PTPRN2: variants seen among roughly 807,000 people sequenced by gnomAD.
PTPRN2 encodes receptor-type tyrosine-protein phosphatase N2.
PTPRN2 carries 74 observed loss-of-function variants against 118.8 expected under a neutral mutation model. The ratio of observed to expected loss-of-function variants is 0.62; its 90% CI spans 0.52 to 0.76. The LOEUF (loss-of-function observed/expected upper bound fraction) is 0.76. Among genes scored for constraint, PTPRN2 ranks in the 30% least tolerant of loss-of-function variants. The probability of loss-of-function intolerance (pLI) is 0.00; values close to 1 mark genes in which losing one functional copy is unlikely to be tolerated. For synonymous variants in PTPRN2, 641 were observed against 608.0 expected, an observed-to-expected ratio of 1.05 and a Z score of -0.80; for missense variants, 1,481 against 1,394.4, an observed-to-expected ratio of 1.06 and a Z score of -0.99.
intron 12 of PTPRN2, among the ~76,000 whole-genome samples, chr7:157,793,026 C>T (rs1382472790): frequency 6.6e-6 from 1 of 152,090 alleles, no homozygotes; most frequent in Admixed American, 6.5e-5. Context: ...GATAAATTTT[C>T]TATCTATCTT....
chr7:157,753,939 A>T (rs2150992499), intron 12 of PTPRN2, among the ~76,000 whole-genome samples: 1 of 152,304 alleles, frequency 6.6e-6, no homozygotes, highest in South Asian at 2.1e-4. Context: ...CACCAGGCCC[A>T]GCATCTTGCT....
intron 12 of PTPRN2, chr7:157,862,423 T>C (rs950540849): frequency 1.3e-5 from 2 of 152,290 alleles, no homozygotes; most frequent in Non-Finnish European, 2.9e-5. Context: ...CGTGTGCTAA[T>C]TTGCTGTACA....
intron 12 of PTPRN2, among the ~76,000 whole-genome samples, chr7:157,827,362 C>CCACAACACAACACAACACAA (rs57453915): frequency 0.028 from 4,078 of 146,678 alleles, 104 homozygotes; most frequent in Non-Finnish European, 0.039. Flanking sequence ...AAGCCAGAGA[C>CCACAACACAACACAACACAA]CACAACACAA....
chr7:157,556,497 C>T (rs551606241), intron 21 of PTPRN2, among the ~76,000 whole-genome samples: 12 of 145,574 alleles, frequency 8.2e-5, no homozygotes, highest in African/African-American at 2.3e-4. Context: ...CAGATGCACA[C>T]ACATACACAC....
chr7:158,261,820 A>C (rs1159873277), intron 3 of PTPRN2, among the ~76,000 whole-genome samples: 1 of 152,174 alleles, frequency 6.6e-6, no homozygotes, highest in African/African-American at 2.4e-5. Context: ...CGATTTTAGG[A>C]AACCTGTGTC....
chr7:158,020,876 G>A (rs528290291), intron 11 of PTPRN2, among the ~76,000 whole-genome samples: 24 of 152,252 alleles, frequency 1.6e-4, no homozygotes, highest in South Asian at 4.2e-4. Flanking sequence ...TGGTCCTGCC[G>A]GAAGTGTGGA....
chr7:158,099,022 G>A, intron 10 of PTPRN2, among the ~76,000 whole-genome samples: 2 of 27,204 alleles, frequency 7.4e-5, no homozygotes, highest in African/African-American at 1.9e-4. Flanking sequence ...CATCCCGGCT[G>A]CCTCCCCTTC....
chr7:158,436,242 C>T (rs62479984), intron 2 of PTPRN2, among the ~76,000 whole-genome samples: 3,200 of 152,346 alleles, frequency 0.021, 79 homozygotes, highest in Admixed American at 0.083. Flanking sequence ...TCCCTGCCTG[C>T]CTTGTTTCCT....
Position 157,568,979 on chromosome 7 carries a change from GGA to G in PTPRN2, c.2838-15_2838-14del, listed in dbSNP as rs1476841308. The G allele has an allele frequency of 6.4e-7, 1 of 1,551,126 alleles. No homozygotes were observed. The highest frequency in any genetic ancestry group is 1.4e-5 in the African/African-American group (1 of 73,440). ...GCCTGCACCGTCACTGCCAACAGAA[GGA>G]GAGAAATGAAAGTGCTGCCGTCCAC... is the stretch of plus-strand genomic sequence containing the variant. On this transcript the variant is annotated splice_polypyrimidine_tract_variant and intron_variant, in intron 20 of 22. Transcript: ENST00000389418.
chr7:158,310,444 T>C (rs1242929269), intron 3 of PTPRN2, among the ~76,000 whole-genome samples: 2 of 151,808 alleles, frequency 1.3e-5, no homozygotes, highest in African/African-American at 4.8e-5. Context: ...CCTCGCAGAG[T>C]GGTGAGGACC....
intron 11 of PTPRN2, among the ~76,000 whole-genome samples, chr7:158,073,326 A>G (rs73171569): frequency 0.19 from 28,387 of 152,182 alleles, 4,141 homozygotes; most frequent in African/African-American, 0.41. Flanking sequence ...AGGAAGGAGC[A>G]TGGTGGGCAC....
intron 2 of PTPRN2, among the ~76,000 whole-genome samples, chr7:158,378,183 G>A (rs1256369382): frequency 6.6e-6 from 1 of 152,142 alleles, no homozygotes; most frequent in Non-Finnish European, 1.5e-5. Context: ...TGACACAAAA[G>A]CAAATAAAAG....
chr7:158,351,124 GGGAGGCAGAAGGACCTCACC>G (rs1412567981), intron 2 of PTPRN2, among the ~76,000 whole-genome samples: 2 of 152,172 alleles, frequency 1.3e-5, no homozygotes, highest in African/African-American at 4.8e-5. Flanking sequence ...ACTGTTATGC[GGGAGGCAGAAGGACCTCACC>G]GACGGCATCT....
intron 1 of PTPRN2, among the ~76,000 whole-genome samples, chr7:158,535,030 C>A (rs1226873021): frequency 6.6e-6 from 1 of 152,208 alleles, no homozygotes; most frequent in Admixed American, 6.5e-5. Context: ...AGAGACCAGC[C>A]ACCTCCAAAG....
At chr7:158,550,083 C>T (rs1003552019) in intron 1 of PTPRN2, among the ~76,000 whole-genome samples, 3 of 152,174 alleles carry the variant, frequency 2.0e-5, no homozygotes, top group Non-Finnish European at 2.9e-5. Context: ...ATCCTCAGAG[C>T]CCCCCAGCCT....
chr7:158,539,678 G>T (rs1266480213), intron 1 of PTPRN2: 1 of 243,270 alleles, frequency 4.1e-6, no homozygotes, highest in Non-Finnish European at 8.2e-6. Context: ...CCGAGTCCCG[G>T]GTCCTGAGGG....
chr7:157,888,187 G>A (rs1172537535), intron 12 of PTPRN2, among the ~76,000 whole-genome samples: 2 of 151,988 alleles, frequency 1.3e-5, no homozygotes, highest in African/African-American at 2.4e-5. Context: ...CCGGCACTAG[G>A]GACAAGCCGT....
intron 3 of PTPRN2, among the ~76,000 whole-genome samples, chr7:158,276,192 C>T: frequency 1.4e-5 from 2 of 145,018 alleles, no homozygotes; most frequent in Non-Finnish European, 3.1e-5. Flanking sequence ...CCTTGAAGCA[C>T]AGCTCCTGCC....
At chr7:158,242,868 C>A (rs545014937) in intron 3 of PTPRN2, among the ~76,000 whole-genome samples, 3 of 152,146 alleles carry the variant, frequency 2.0e-5, no homozygotes, top group Non-Finnish European at 2.9e-5. Context: ...TCCATTGTAA[C>A]GCCTCTTCTT....
Sources: gnomAD v4.1 joint callset for allele counts (sites outside exome capture counted in the v4.1 genomes callset) on GRCh38, gnomAD v4.1.1 for gene constraint, MANE v1.5 for transcripts, NCBI Gene and HGNC (gene_info 2026-07-23, HGNC 2026-07-21) for gene names.